GRAMD1B: variants seen among roughly 807,000 people sequenced by gnomAD.
The protein encoded by GRAMD1B is protein Aster-B.
Under a neutral mutation model 99.7 loss-of-function variants are expected in GRAMD1B, and 37 were observed. That is an observed-to-expected ratio of 0.37 (90% confidence interval 0.29 to 0.49). GRAMD1B has a LOEUF of 0.49. Among genes scored for constraint, GRAMD1B ranks in the 20% least tolerant of loss-of-function variants. The pLI, the probability that GRAMD1B is intolerant of heterozygous loss-of-function variation, is 0.98. For missense variants in GRAMD1B, 888 were observed against 1,009.2 expected, an observed-to-expected ratio of 0.88 and a Z score of 1.63; for synonymous variants, 427 against 387.6, an observed-to-expected ratio of 1.10 and a Z score of -1.19.
At chr11:123,435,987 G>A (rs1314010479) in intron 1 of GRAMD1B, among the ~76,000 whole-genome samples, 3 of 130,198 alleles carry the variant, frequency 2.3e-5, no homozygotes, top group Non-Finnish European at 4.6e-5. Flanking sequence ...CTCTCACCCA[G>A]GCTGGAGTGC....
At chr11:123,530,512 C>T (rs1943243614) in intron 2 of GRAMD1B, among the ~76,000 whole-genome samples, 1 of 152,182 alleles carries the variant, frequency 6.6e-6, no homozygotes, top group African/African-American at 2.4e-5. Context: ...TCCTGAGTAG[C>T]TGGGATTACA....
intron 2 of GRAMD1B, among the ~76,000 whole-genome samples, chr11:123,506,875 C>T (rs1940488870): frequency 6.6e-6 from 1 of 152,134 alleles, no homozygotes; most frequent in African/African-American, 2.4e-5. Flanking sequence ...TCCTGCCCAG[C>T]CCCAACTTCT....
intron 2 of GRAMD1B, among the ~76,000 whole-genome samples, chr11:123,558,717 T>C (rs743631): frequency 0.46 from 69,823 of 152,088 alleles, 17,178 homozygotes; most frequent in African/African-American, 0.64. Context: ...AGGCTGAAAT[T>C]GGGGCATTGC....
intron 1 of GRAMD1B, among the ~76,000 whole-genome samples, chr11:123,476,192 C>T (rs2134741284): frequency 6.6e-6 from 1 of 152,152 alleles, no homozygotes; most frequent in South Asian, 2.1e-4. Flanking sequence ...CCTCCACCTC[C>T]CAGGTTCAAG....
At chr11:123,395,470 C>A (rs565253783) in intron 1 of GRAMD1B, among the ~76,000 whole-genome samples, 10 of 152,222 alleles carry the variant, frequency 6.6e-5, no homozygotes, top group South Asian at 6.2e-4. Flanking sequence ...ACAACAACAA[C>A]AACAACAACA....
At chr11:123,474,970 C>T (rs1951194095) in intron 1 of GRAMD1B, among the ~76,000 whole-genome samples, 3 of 152,118 alleles carry the variant, frequency 2.0e-5, no homozygotes, top group African/African-American at 4.8e-5. Flanking sequence ...TCTCAGAACC[C>T]CTTCTGGGCA....
chr11:123,391,669 T>A (rs1024783671), intron 1 of GRAMD1B, among the ~76,000 whole-genome samples: 2 of 152,202 alleles, frequency 1.3e-5, no homozygotes, highest in Non-Finnish European at 2.9e-5. Flanking sequence ...TTGGTCAGGC[T>A]GGTCTTGAAC....
At chr11:123,409,773 G>A (rs1947977052) in intron 1 of GRAMD1B, among the ~76,000 whole-genome samples, 1 of 152,154 alleles carries the variant, frequency 6.6e-6, no homozygotes, top group South Asian at 2.1e-4. Flanking sequence ...CTGTGACTTA[G>A]GTGCCTGAAA....
intron 1 of GRAMD1B, among the ~76,000 whole-genome samples, chr11:123,433,247 G>A (rs984207098): frequency 1.3e-5 from 2 of 151,840 alleles, no homozygotes; most frequent in Non-Finnish European, 1.5e-5. Context: ...GTGTAGTAGC[G>A]GGTGCCTGTA....
At chr11:123,578,575 C>A in intron 3 of GRAMD1B, 1 of 664,330 alleles carries the variant, frequency 1.5e-6, no homozygotes, top group Non-Finnish European at 2.7e-6. Context: ...GCCCCACTGT[C>A]CCCCGGCAGG....
chr11:123,506,959 C>T (rs1940497801), intron 2 of GRAMD1B, among the ~76,000 whole-genome samples: 1 of 152,206 alleles, frequency 6.6e-6, no homozygotes. Flanking sequence ...CTGTGTAATA[C>T]ACATATGGTG....
chr11:123,372,544 G>A (rs1051986151), intron 1 of GRAMD1B, among the ~76,000 whole-genome samples: 1 of 152,108 alleles, frequency 6.6e-6, no homozygotes, highest in African/African-American at 2.4e-5. Context: ...GAGGTGGTGT[G>A]GAATGGTGCT....
At position 123,610,042 on chromosome 11, in the gene GRAMD1B, C is replaced by T. The variant is rs1381034926; in HGVS notation, c.1776+129C>T. 6.0e-6 allele frequency: 5 copies of T among 832,508 alleles called. No individual in the cohort carries two copies. Among genetic ancestry groups the T allele is most frequent in the African/African-American group, 5.1e-5 (3 of 58,776 alleles). The allele number at this position is 832,508 out of a possible 1,614,324, so 51.6% of individuals were successfully genotyped here. A position where few individuals can be genotyped will look rare whatever the true frequency, so the allele number is the denominator to read the frequency against. ...TCATTTTGCCCCAAAGCGGTGGTGG[C>T]GTCTTGCTTGTTTAGTTGCTGCTGA... is the stretch of plus-strand genomic sequence containing the variant. On this transcript the variant is annotated intron_variant, in intron 13 of 19. Coordinates refer to ENST00000635736, the MANE Select transcript of GRAMD1B (RefSeq NM_001387025.1). This position sits in a 1 kb window ranked among gnomAD's most constrained non-coding sequence, Gnocchi z 4.1.
rs1337662691 is a variant in GRAMD1B, at chr11:123,587,575, G to T, written c.684+3243G>T. ...CCCAACGGGGCATAACATCACAGGGGTTTCCTTCCTTGGCCTCCTGGCGCA... is the reference window on the plus strand; with the variant it reads ...CCCAACGGGGCATAACATCACAGGGTTTTCCTTCCTTGGCCTCCTGGCGCA... On this transcript the variant is annotated intron_variant, in intron 4 of 19. Coordinates refer to ENST00000635736, the MANE Select transcript of GRAMD1B (RefSeq NM_001387025.1). This position sits in a 1 kb window ranked among gnomAD's most constrained non-coding sequence, Gnocchi z 4.2. 6.6e-6 allele frequency among the ~76,000 whole-genome samples: 1 copy of T among 152,228 alleles called. No individual in the cohort carries two copies. Among genetic ancestry groups the T allele is most frequent in the African/African-American group, 2.4e-5 (1 of 41,464 alleles).
chr11:123,511,529 T>C (rs534992505), intron 2 of GRAMD1B, among the ~76,000 whole-genome samples: 94 of 152,140 alleles, frequency 6.2e-4, no homozygotes, highest in African/African-American at 2.2e-3. Flanking sequence ...CCATTGGGAG[T>C]AGATGGGGGC....
At chr11:123,505,295 G>A (rs909706807) in intron 2 of GRAMD1B, among the ~76,000 whole-genome samples, 1 of 152,000 alleles carries the variant, frequency 6.6e-6, no homozygotes, top group Non-Finnish European at 1.5e-5. Flanking sequence ...GCCTCCCCAA[G>A]TGCTGGGATT....
chr11:123,384,882 T>C (rs987790799), intron 1 of GRAMD1B, among the ~76,000 whole-genome samples: 1 of 152,176 alleles, frequency 6.6e-6, no homozygotes, highest in Non-Finnish European at 1.5e-5. Context: ...GCTCTGCCAC[T>C]GTAAAGCAAA....
chr11:123,625,957 A>AGT lies in GRAMD1B; in HGVS notation c.*3363_*3364insTG, dbSNP rs1955482198. 7.0e-6 allele frequency: 1 copy of AGT among 143,700 alleles called. No homozygotes were observed. The highest frequency in any genetic ancestry group is 1.6e-5 in the Non-Finnish European group (1 of 63,336). The allele number at this position is 143,700 out of a possible 1,614,324, so 8.9% of individuals were successfully genotyped here. A position where few individuals can be genotyped will look rare whatever the true frequency, so the allele number is the denominator to read the frequency against. ...GTGGAAGAGAGAGAGAGAGAGAGAG[A>AGT]GAGAGAGAGAGAGAGAGAGAGAGAT... On this transcript the variant is annotated 3_prime_UTR_variant, in exon 20 of 20. Coordinates refer to ENST00000635736, the MANE Select transcript of GRAMD1B (RefSeq NM_001387025.1).
At chr11:123,466,101 C>A (rs1950644000) in intron 1 of GRAMD1B, among the ~76,000 whole-genome samples, 1 of 152,006 alleles carries the variant, frequency 6.6e-6, no homozygotes, top group Non-Finnish European at 1.5e-5. Context: ...CATGGTGAAA[C>A]CCCATTTCTG....
Sources: gnomAD v4.1 joint callset for allele counts (sites outside exome capture counted in the v4.1 genomes callset) on GRCh38, gnomAD v4.1.1 for gene constraint, Gnocchi (gnomAD v3.1) non-coding constraint, MANE v1.5 for transcripts, NCBI Gene and HGNC (gene_info 2026-07-23, HGNC 2026-07-21) for gene names.